Variants in TRPC5 observed in about 807,000 individuals in gnomAD.
The protein encoded by TRPC5 is transient receptor potential cation channel subfamily C member 5.
Under a neutral mutation model 56.5 loss-of-function variants are expected in TRPC5, and 9 were observed. The ratio of observed to expected loss-of-function variants is 0.16; its 90% CI spans 0.10 to 0.28. The LOEUF (loss-of-function observed/expected upper bound fraction) is 0.28, where lower values mean the gene tolerates loss of function less well. Ranked by LOEUF, TRPC5 falls within the 10% of genes least tolerant of loss-of-function variation. The pLI is 1.00. For missense variants in TRPC5, 469 were observed against 748.9 expected, an observed-to-expected ratio of 0.63 and a Z score of 4.36; for synonymous variants, 282 against 278.5, an observed-to-expected ratio of 1.01 and a Z score of -0.13.
intron 7 of TRPC5, among the ~76,000 whole-genome samples, chrX:111,832,441 G>A (rs778804457): frequency 2.7e-5 from 3 of 112,280 alleles, no homozygotes; most frequent in Non-Finnish European, 5.6e-5. Flanking sequence ...TTTGTCTTCA[G>A]TGGTTTCCCT....
At chrX:112,006,981 A>G (rs1364313558) in intron 1 of TRPC5, among the ~76,000 whole-genome samples, 1 of 111,592 alleles carries the variant, frequency 9.0e-6, no homozygotes, top group Non-Finnish European at 1.9e-5. Flanking sequence ...GCCTGCTCAG[A>G]TAGCATGACT....
intron 7 of TRPC5, among the ~76,000 whole-genome samples, chrX:111,784,612 G>C (rs956303281): frequency 3.6e-5 from 4 of 112,315 alleles, no homozygotes; most frequent in African/African-American, 1.3e-4. Flanking sequence ...CTGAAGCAGA[G>C]CAGGGTGTCA....
At chrX:111,871,038 G>A (rs753205187) in intron 3 of TRPC5, among the ~76,000 whole-genome samples, 3 of 111,893 alleles carry the variant, frequency 2.7e-5, no homozygotes, top group Non-Finnish European at 5.6e-5. Context: ...TCTTCAGGAT[G>A]AAATCAGAAT....
At chrX:111,866,930 T>G (rs368993570) in intron 3 of TRPC5, among the ~76,000 whole-genome samples, 3 of 112,162 alleles carry the variant, frequency 2.7e-5, no homozygotes, top group African/African-American at 9.7e-5. Flanking sequence ...AGTTTAGGCC[T>G]TTCAACAAGT....
At chrX:112,035,089 TAA>T (rs1169340398) in intron 1 of TRPC5, among the ~76,000 whole-genome samples, 5,104 of 99,109 alleles carry the variant, frequency 0.051, 355 homozygotes, top group African/African-American at 0.18. Context: ...TTTTTTTTTT[TAA>T]AAAAAAAAAA....
chrX:111,936,201 G>C (rs1926567440), intron 2 of TRPC5, among the ~76,000 whole-genome samples: 1 of 111,165 alleles, frequency 9.0e-6, no homozygotes, highest in Non-Finnish European at 1.9e-5. Flanking sequence ...CTAGCTATTT[G>C]ATTTGTACCT....
At chrX:111,791,052 A>AAG (rs1313266168) in intron 7 of TRPC5, among the ~76,000 whole-genome samples, 2 of 89,590 alleles carry the variant, frequency 2.2e-5, no homozygotes, top group East Asian at 6.0e-4. Flanking sequence ...AAAAAAAAAA[A>AAG]AGACCTGACC....
At chrX:111,785,884 G>T (rs1376732494) in intron 7 of TRPC5, among the ~76,000 whole-genome samples, 2 of 111,539 alleles carry the variant, frequency 1.8e-5, no homozygotes, top group African/African-American at 6.5e-5. Context: ...AAAAAGAAAT[G>T]AACAAAGCCT....
intron 2 of TRPC5, among the ~76,000 whole-genome samples, chrX:111,940,472 CCAGGT>C (rs1926742698): frequency 1.8e-5 from 2 of 110,849 alleles, no homozygotes; most frequent in Non-Finnish European, 3.8e-5. Flanking sequence ...GGGCGGATCA[CCAGGT>C]CAGGAGATAG....
intron 1 of TRPC5, among the ~76,000 whole-genome samples, chrX:112,007,432 T>C (rs761834797): frequency 9.0e-6 from 1 of 111,627 alleles, no homozygotes; most frequent in South Asian, 3.8e-4. Flanking sequence ...ATTTTTTTAG[T>C]TTGTTTCAGG....
chrX:111,960,476 G>T (rs767143525), intron 1 of TRPC5, among the ~76,000 whole-genome samples: 1 of 112,336 alleles, frequency 8.9e-6, no homozygotes, highest in South Asian at 3.7e-4. Flanking sequence ...TCATTCAGCT[G>T]CATGGGGGAT....
chrX:111,825,150 T>C (rs187490505), intron 7 of TRPC5, among the ~76,000 whole-genome samples: 1,797 of 17,155 alleles, frequency 0.1, 101 homozygotes, highest in African/African-American at 0.15. Flanking sequence ...TTCCTTCCTT[T>C]CTTTCTTTCT....
intron 2 of TRPC5, among the ~76,000 whole-genome samples, chrX:111,940,214 A>C (rs1484487154): frequency 9.3e-6 from 1 of 107,501 alleles, no homozygotes; most frequent in East Asian, 2.8e-4. Flanking sequence ...GTGTTTGTTT[A>C]GTTTCCAGAA....
At chrX:111,866,435 A>G (rs1277816363) in intron 3 of TRPC5, among the ~76,000 whole-genome samples, 1 of 113,064 alleles carries the variant, frequency 8.8e-6, no homozygotes, top group Non-Finnish European at 1.9e-5. Flanking sequence ...TCTTTTCTTC[A>G]CAAATGAGCT....
intron 3 of TRPC5, among the ~76,000 whole-genome samples, chrX:111,856,471 A>AG (rs893921702): frequency 1.1e-4 from 12 of 107,471 alleles, no homozygotes; most frequent in African/African-American, 4.1e-4. Flanking sequence ...CCCAGGAGGC[A>AG]GAGGCTGCAG....
chrX:111,804,360 T>G (rs1333021160), intron 7 of TRPC5, among the ~76,000 whole-genome samples: 3 of 112,227 alleles, frequency 2.7e-5, no homozygotes, highest in African/African-American at 9.7e-5. Context: ...ATATGAACTT[T>G]AAAGTAGTTT....
chrX:112,067,511 G>A (rs12007915), intron 1 of TRPC5, among the ~76,000 whole-genome samples: 3,614 of 112,116 alleles, frequency 0.032, 132 homozygotes, highest in African/African-American at 0.11. Flanking sequence ...TGACTCCAGA[G>A]TCTTGTCACT....
chrX:111,953,278 T>C (rs1477951192), intron 1 of TRPC5, among the ~76,000 whole-genome samples: 2 of 112,393 alleles, frequency 1.8e-5, no homozygotes, highest in Non-Finnish European at 3.7e-5. Context: ...GTGAATGGTC[T>C]GTTTTATTTG....
At chrX:111,850,019 G>A (rs1923039946) in intron 5 of TRPC5, among the ~76,000 whole-genome samples, 1 of 111,946 alleles carries the variant, frequency 8.9e-6, no homozygotes, top group Non-Finnish European at 1.9e-5. Context: ...AAAATATGAA[G>A]AGGAACAGCC....
Sources: allele counts gnomAD v4.1 joint callset (sites outside exome capture counted in the v4.1 genomes callset), GRCh38; gene constraint gnomAD v4.1.1; transcripts MANE v1.5; gene names NCBI Gene and HGNC (gene_info 2026-07-23, HGNC 2026-07-21).